PRKAG3: variants seen among roughly 807,000 people sequenced by gnomAD.
The protein encoded by PRKAG3 is protein kinase AMP-activated non-catalytic subunit gamma 3, also known as 5'-AMP-activated protein kinase subunit gamma-3.
PRKAG3 carries 39 observed loss-of-function variants against 56.5 expected under a neutral mutation model. That is an observed-to-expected ratio of 0.69 (90% confidence interval 0.53 to 0.90). The LOEUF (loss-of-function observed/expected upper bound fraction) is 0.90, where lower values mean the gene tolerates loss of function less well. PRKAG3 is among the 40% of genes least tolerant of loss of function. The probability of loss-of-function intolerance (pLI) is 0.00; values close to 1 mark genes in which losing one functional copy is unlikely to be tolerated. For missense variants in PRKAG3, 628 were observed against 627.5 expected, an observed-to-expected ratio of 1.00 and a Z score of -0.01; for synonymous variants, 243 against 250.1, an observed-to-expected ratio of 0.97 and a Z score of 0.27.
chr2:218,825,487 A>AC (rs1559397032), intron 10 of PRKAG3, among the ~76,000 whole-genome samples: 1 of 151,632 alleles, frequency 6.6e-6, no homozygotes, highest in Non-Finnish European at 1.5e-5. Flanking sequence ...TACTAAAAAT[A>AC]CCCCCCAAAA....
At position 218,828,604 on chromosome 2, in the gene PRKAG3, A is replaced by T; in HGVS notation, c.634-4T>A. ...GAGCAAAGAAGGCCTTCTTGATCTG[A>T]GGGGCCAGGGAGAACAGTCAAGGGT... On this transcript the variant is annotated splice_polypyrimidine_tract_variant and splice_region_variant and intron_variant, in intron 4 of 12. Transcript: ENST00000529249. 1 of 1,612,226 alleles carries T rather than the reference A, an allele frequency of 6.2e-7. No individual in the cohort carries two copies. Among genetic ancestry groups the T allele is most frequent in the Non-Finnish European group, 8.5e-7 (1 of 1,179,064 alleles).
rs753989210 is a variant in PRKAG3, at chr2:218,827,409, T to C, written c.876-36A>G. ...GGGAGCAGTGAGCCTCGGGGCAGCC[T>C]AGGGAGAGACAACCTCCATCCCAGG... On this transcript the variant is annotated intron_variant, in intron 8 of 12. Coordinates refer to ENST00000529249, the Ensembl canonical transcript of PRKAG3. The surrounding 1 kb of genome is among the most constrained non-coding windows in gnomAD (Gnocchi z 5.3). 2 of 1,613,700 alleles carry C rather than the reference T, an allele frequency of 1.2e-6. No individual in the cohort carries two copies. Among genetic ancestry groups the C allele is most frequent in the Non-Finnish European group, 1.7e-6 (2 of 1,179,786 alleles).
At chr2:218,830,706 C>G (rs774406562) in intron 3 of PRKAG3, 40 bp downstream of exon 3, 1 of 1,601,690 alleles carries the variant, frequency 6.2e-7, no homozygotes, top group South Asian at 1.1e-5. Context: ...ATTTCCCACT[C>G]CCCTGGCTCC....
At chr2:218,824,223 T>A in exon 12 of PRKAG3, 1 of 1,614,108 alleles carries the variant, frequency 6.2e-7, no homozygotes, top group Non-Finnish European at 8.5e-7. Flanking sequence ...ACACGGTACC[T>A]GCTCCCGAGC....
chr2:218,830,669 T>C, intron 3 of PRKAG3, 77 bp downstream of exon 3: 1 of 1,525,846 alleles, frequency 6.6e-7, no homozygotes, highest in South Asian at 1.2e-5. Context: ...GGACCTGAGG[T>C]AGAGACCAGA....
Position 218,831,724 on chromosome 2 carries a change from T to C in PRKAG3, c.33+14A>G, listed in dbSNP as rs1217486336. 1 of 1,609,852 alleles carries C rather than the reference T, an allele frequency of 6.2e-7. No homozygotes were observed. The highest frequency in any genetic ancestry group is 8.5e-7 in the Non-Finnish European group (1 of 1,178,600). On this transcript the variant is annotated intron_variant, in intron 1 of 12. Coordinates refer to ENST00000529249, the Ensembl canonical transcript of PRKAG3. ...TCAGCTGCCCCGGCTCCGGCTCCCCTGGGACCCCCATACCCTGCGCAGTGC... is the reference window on the plus strand; with the variant it reads ...TCAGCTGCCCCGGCTCCGGCTCCCCCGGGACCCCCATACCCTGCGCAGTGC...
At chr2:218,829,153 A>G (rs1247290692) in intron 4 of PRKAG3, among the ~76,000 whole-genome samples, 1 of 152,180 alleles carries the variant, frequency 6.6e-6, no homozygotes, top group African/African-American at 2.4e-5. Context: ...AATGCATGCT[A>G]TGGACAATAC....
chr2:218,829,949 G>C, intron 4 of PRKAG3, 29 bp downstream of exon 4: 2 of 1,605,982 alleles, frequency 1.2e-6, no homozygotes, highest in Non-Finnish European at 1.7e-6. Flanking sequence ...TGGAGAGTGA[G>C]TACAGGTTGG....
exon 12 of PRKAG3, chr2:218,824,331 A>C: frequency 6.2e-7 from 1 of 1,614,010 alleles, no homozygotes; most frequent in Non-Finnish European, 8.5e-7. Flanking sequence ...TCCCACACTC[A>C]TGTCCAGGTG....
chr2:218,830,445 G>C, intron 3 of PRKAG3, 64 bp from the exon 4 acceptor site: 1 of 1,543,774 alleles, frequency 6.5e-7, no homozygotes, highest in South Asian at 1.2e-5. Flanking sequence ...CTCATCTGCT[G>C]TCGCCATTCA....
chr2:218,825,719 A>G (rs967752881), intron 10 of PRKAG3, among the ~76,000 whole-genome samples: 2 of 151,972 alleles, frequency 1.3e-5, no homozygotes, highest in Admixed American at 6.6e-5. Flanking sequence ...ATGTCAGACA[A>G]TAATATGAAT....
chr2:218,824,140 C>A, intron 12 of PRKAG3, 82 bp downstream of exon 12: 3 of 1,605,384 alleles, frequency 1.9e-6, no homozygotes, highest in South Asian at 1.1e-5. Flanking sequence ...GCCAGGTGCC[C>A]GATGTTCAGG....
Position 218,827,051 on chromosome 2 carries a change from G to T in PRKAG3, c.1045C>A (p.Gln349Lys), listed in dbSNP as rs1328021561. 1 of 1,613,896 alleles carries T rather than the reference G, an allele frequency of 6.2e-7. No homozygotes were observed. Among genetic ancestry groups the T allele is most frequent in the East Asian group, 2.2e-5 (1 of 44,842 alleles). Residue 349 changes from glutamine to lysine, a missense_variant, in exon 10 of 13, where the codon CAA (glutamine) becomes AAA (lysine). Transcript: ENST00000529249. The surrounding 1 kb of genome is among the most constrained non-coding windows in gnomAD (Gnocchi z 5.3). ...CGGAATGTGCCGATGCCCAAATCTT[G>T]GATAGTGCGGTAGAGGAAGGAGGGC...
chr2:218,823,021 C>A (rs189998712), downstream of PRKAG3: 5 of 984,642 alleles, frequency 5.1e-6, no homozygotes, highest in African/African-American at 8.8e-5. Flanking sequence ...TGGGCATGCC[C>A]GAGGGCTTCT....
chr2:218,826,699 T>C (rs1415381370), intron 10 of PRKAG3: 10 of 569,560 alleles, frequency 1.8e-5, no homozygotes. Flanking sequence ...TCCTGTGAAG[T>C]CAGAAAGATG....
intron 4 of PRKAG3, among the ~76,000 whole-genome samples, chr2:218,829,191 C>T (rs1236283224): frequency 6.6e-6 from 1 of 152,130 alleles, no homozygotes; most frequent in Admixed American, 6.5e-5. Context: ...AAACACTGCA[C>T]TGCATAACAA....
rs756010837 is a variant in PRKAG3, at chr2:218,827,852, A to C, written c.801T>G (p.His267Gln). 2.0e-5 allele frequency: 33 copies of C among 1,613,708 alleles called. No homozygotes were observed. Among genetic ancestry groups the C allele is most frequent in the Non-Finnish European group, 2.5e-5 (29 of 1,179,918 alleles). Reference sequence around the variant, plus strand: ...ACTCACCCCTCCAGGTCTCAATCTTATGTTGTTCAATCTCATAGATCTGGA... The same window carrying C: ...ACTCACCCCTCCAGGTCTCAATCTTCTGTTGTTCAATCTCATAGATCTGGA... Residue 267 changes from histidine (H) to glutamine (Q), a missense_variant, in exon 7 of 13, where the codon CAT becomes CAG. His to Gln is a conservative substitution (Grantham distance 24, BLOSUM62 0). Coordinates refer to ENST00000529249, the Ensembl canonical transcript of PRKAG3. The surrounding 1 kb of genome is among the most constrained non-coding windows in gnomAD (Gnocchi z 5.3).
intron 1 of PRKAG3, 27 bp from the exon 2 acceptor site, chr2:218,831,402 G>A (rs1489359995): frequency 1.3e-6 from 2 of 1,582,536 alleles, no homozygotes; most frequent in Non-Finnish European, 1.7e-6. Context: ...TTCTGAAGGA[G>A]TGGGGAAAGT....
exon 1 of PRKAG3, chr2:218,831,795 A>G (rs1244481291): frequency 9.3e-6 from 15 of 1,604,948 alleles, no homozygotes; most frequent in Non-Finnish European, 1.3e-5. Context: ...ACCAACTGAG[A>G]GCAAGTGTGC....
Sources: gnomAD v4.1 joint callset for allele counts (sites outside exome capture counted in the v4.1 genomes callset) on GRCh38, gnomAD v4.1.1 for gene constraint, Gnocchi (gnomAD v3.1) non-coding constraint, MANE v1.5 for transcripts, NCBI Gene and HGNC (gene_info 2026-07-23, HGNC 2026-07-21) for gene names.